The following TENM2 variants were observed in gnomAD, a reference collection of about 807,000 sequenced individuals.
The protein encoded by TENM2 is teneurin-2.
TENM2 carries 52 observed loss-of-function variants against 245.2 expected under a neutral mutation model. That is an observed-to-expected ratio of 0.21 (90% CI 0.17 to 0.27). The LOEUF (loss-of-function observed/expected upper bound fraction) is 0.27. Ranked by LOEUF, TENM2 falls within the 10% of genes least tolerant of loss-of-function variation. The pLI is 1.00. For synonymous variants in TENM2, 1,363 were observed against 1,438.9 expected, an observed-to-expected ratio of 0.95 and a Z score of 1.19; for missense variants, 3,046 against 3,666.8, an observed-to-expected ratio of 0.83 and a Z score of 4.37.
exon 21 of TENM2, chr5:168,215,061 C>T: frequency 6.2e-7 from 1 of 1,613,828 alleles, no homozygotes; most frequent in South Asian, 1.1e-5. Context: ...CACACAAGTA[C>T]TACTTGGCAG....
At position 167,429,519 on chromosome 5, in the gene TENM2, G is replaced by A. The variant is rs577284183; in HGVS notation, c.502+54046G>A. ...CAAGACAAAAGCACAAGTGAGGACT[G>A]AAGAATAGAAAATAAAATATAACTT... On this transcript the variant is annotated intron_variant, in intron 2 of 28. Coordinates refer to ENST00000518659, the Ensembl canonical transcript of TENM2. Among the ~76,000 whole-genome samples the A allele has an allele frequency of 4.6e-5, 7 of 151,336 alleles. No individual in the cohort carries two copies. The East Asian group carries it at 1.4e-3, about 30-fold the overall frequency.
the TENM2 span, among the ~76,000 whole-genome samples, chr5:167,122,379 C>T: frequency 6.6e-6 from 1 of 152,088 alleles, no homozygotes; most frequent in Admixed American, 6.6e-5. Context: ...GCAGGCTGCC[C>T]CATTTGATAT....
intron 2 of TENM2, among the ~76,000 whole-genome samples, chr5:167,813,398 C>G (rs1295847692): frequency 6.6e-6 from 1 of 151,816 alleles, no homozygotes; most frequent in African/African-American, 2.4e-5. Flanking sequence ...CACACACACA[C>G]ACACACACAC....
chr5:167,130,239 G>A, the TENM2 span, among the ~76,000 whole-genome samples: 4 of 152,238 alleles, frequency 2.6e-5, no homozygotes, highest in Admixed American at 2.0e-4. Context: ...ATTTTCTCTG[G>A]ACATAGAAAT....
intron 2 of TENM2, among the ~76,000 whole-genome samples, chr5:167,402,578 C>A (rs1762420473): frequency 6.6e-6 from 1 of 152,036 alleles, no homozygotes; most frequent in Non-Finnish European, 1.5e-5. Context: ...GTCTCCCATC[C>A]TTCATTTTGG....
intron 2 of TENM2, among the ~76,000 whole-genome samples, chr5:167,783,539 G>C (rs1764351875): frequency 6.6e-6 from 1 of 152,204 alleles, no homozygotes; most frequent in Non-Finnish European, 1.5e-5. Context: ...TGCCACGGCA[G>C]TGTGCACTTA....
chr5:167,117,747 G>A, the TENM2 span, among the ~76,000 whole-genome samples: 1 of 152,070 alleles, frequency 6.6e-6, no homozygotes, highest in Non-Finnish European at 1.5e-5. Context: ...TTTGTTGTGG[G>A]GGAGTAGCTC....
intron 3 of TENM2, among the ~76,000 whole-genome samples, chr5:167,877,591 A>G (rs1456472537): frequency 1.3e-5 from 2 of 152,212 alleles, no homozygotes; most frequent in Admixed American, 6.5e-5. Flanking sequence ...AGAGACATCA[A>G]TCATAACTAG....
At chr5:167,153,114 C>T in the TENM2 span, among the ~76,000 whole-genome samples, 1 of 151,452 alleles carries the variant, frequency 6.6e-6, no homozygotes, top group African/African-American at 2.4e-5. Context: ...CACACACACA[C>T]ACACACAGAT....
At chr5:168,068,098 A>G (rs909076831) in intron 7 of TENM2, among the ~76,000 whole-genome samples, 3 of 152,148 alleles carry the variant, frequency 2.0e-5, no homozygotes, top group Non-Finnish European at 2.9e-5. Context: ...AACAGGAGAC[A>G]GGAACTGAAA....
At chr5:167,844,507 T>G (rs1769849669) in intron 2 of TENM2, among the ~76,000 whole-genome samples, 1 of 152,220 alleles carries the variant, frequency 6.6e-6, no homozygotes, top group Non-Finnish European at 1.5e-5. Context: ...CAAACAAAGT[T>G]CAGTTTCCTA....
intron 2 of TENM2, among the ~76,000 whole-genome samples, chr5:167,571,925 A>G (rs1361382523): frequency 2.0e-5 from 3 of 152,220 alleles, no homozygotes; most frequent in Non-Finnish European, 4.4e-5. Flanking sequence ...AAATGTCCGC[A>G]GAGATTTCCG....
At position 168,056,720 on chromosome 5, in the gene TENM2, C is replaced by G. The variant is rs545473006; in HGVS notation, c.1310-5340C>G. Among the ~76,000 whole-genome samples, 3 of 152,328 alleles carry G rather than the reference C, an allele frequency of 2.0e-5. No homozygotes were observed. In the East Asian group the frequency reaches 5.8e-4, roughly 29 times the overall value. On this transcript the variant is annotated intron_variant, in intron 6 of 28. Coordinates refer to ENST00000518659, the Ensembl canonical transcript of TENM2. ...CTCACTGACTTAAACAAAGCAACTT[C>G]CAGTCCTGCAAATTCCATTCATGGT...
At chr5:167,351,044 A>T (rs951539482) in intron 1 of TENM2, among the ~76,000 whole-genome samples, 2 of 136,496 alleles carry the variant, frequency 1.5e-5, no homozygotes, top group African/African-American at 5.3e-5. Flanking sequence ...ATATGGATAT[A>T]TATATATGGG....
At chr5:167,340,406 T>C (rs1758026043) in intron 1 of TENM2, among the ~76,000 whole-genome samples, 1 of 152,216 alleles carries the variant, frequency 6.6e-6, no homozygotes, top group African/African-American at 2.4e-5. Context: ...TTAACAGTTC[T>C]GGAAGTCCAA....
the TENM2 span, among the ~76,000 whole-genome samples, chr5:167,134,755 A>G: frequency 2.0e-5 from 3 of 152,216 alleles, no homozygotes; most frequent in East Asian, 1.9e-4. Context: ...TGAAGAAAGT[A>G]TTATCTTAGA....
the TENM2 span, among the ~76,000 whole-genome samples, chr5:167,135,670 A>G: frequency 2.6e-5 from 4 of 152,068 alleles, no homozygotes; most frequent in African/African-American, 7.2e-5. Flanking sequence ...CCAGCTACTC[A>G]GGAGGCTGAG....
the TENM2 span, among the ~76,000 whole-genome samples, chr5:167,127,466 G>C: frequency 2.6e-5 from 4 of 152,038 alleles, no homozygotes; most frequent in African/African-American, 9.7e-5. Context: ...AGAGTGACTT[G>C]ATGCATTCAT....
chr5:167,885,822 T>C (rs541548875), intron 3 of TENM2, among the ~76,000 whole-genome samples: 1 of 152,312 alleles, frequency 6.6e-6, no homozygotes, highest in South Asian at 2.1e-4. Context: ...TAGCTGGGAT[T>C]ACAGGTATGT....
Sources: allele counts gnomAD v4.1 joint callset (sites outside exome capture counted in the v4.1 genomes callset), GRCh38; gene constraint gnomAD v4.1.1; transcripts MANE v1.5; gene names NCBI Gene and HGNC (gene_info 2026-07-23, HGNC 2026-07-21).